The following LRRC20 variants were observed in gnomAD, a reference collection of about 807,000 sequenced individuals.
LRRC20 encodes leucine rich repeat containing 20, also known as leucine-rich repeat-containing protein 20.
A neutral mutation model predicts 14.4 loss-of-function variants in LRRC20; 11 were observed. The observed-to-expected ratio is 0.77, with a 90% CI of 0.48 to 1.27. The LOEUF (loss-of-function observed/expected upper bound fraction) is 1.27, where lower values mean the gene tolerates loss of function less well. Ranked by LOEUF, LRRC20 falls within the 50% of genes most tolerant of loss-of-function variation. LRRC20 has a pLI of 0.00. For synonymous variants in LRRC20, 121 were observed against 107.3 expected (o/e 1.13, Z -0.79); for missense variants, 219 against 251.2 (o/e 0.87, Z 0.87).
chr10:70,360,807 C>T (rs891899804), intron 2 of LRRC20, among the ~76,000 whole-genome samples: 7 of 152,132 alleles, frequency 4.6e-5, no homozygotes, highest in East Asian at 1.9e-4. Context: ...AAGTTGTCAA[C>T]GTGTTTGTCT....
intron 4 of LRRC20, among the ~76,000 whole-genome samples, chr10:70,311,724 T>C (rs748728816): frequency 1.6e-4 from 25 of 152,232 alleles, no homozygotes; most frequent in Middle Eastern, 6.8e-3. Flanking sequence ...ATGTCTTAGG[T>C]GAGGACTAAA....
At chr10:70,357,654 C>CA (rs201382559) in intron 2 of LRRC20, among the ~76,000 whole-genome samples, 6 of 150,872 alleles carry the variant, frequency 4.0e-5, no homozygotes, top group East Asian at 3.9e-4. Context: ...TGGGACTTTC[C>CA]AAAAAAAACC....
At chr10:70,348,996 T>TG (rs1843181494) in intron 2 of LRRC20, among the ~76,000 whole-genome samples, 1 of 152,116 alleles carries the variant, frequency 6.6e-6, no homozygotes, top group Non-Finnish European at 1.5e-5. Flanking sequence ...AAGATGTGAC[T>TG]GGGGGCCAGG....
At position 70,376,559 on chromosome 10, in the gene LRRC20, C is replaced by A. The variant is rs1479787923; in HGVS notation, c.-26G>T. ...GCAGACACAGGTGTCCTGCCGCCAG[C>A]CCCCAGGCTGGTCTGCTTCTCACAA... On this transcript the variant is annotated 5_prime_UTR_variant, in exon 2 of 5. Coordinates refer to ENST00000446961, the MANE Select transcript of LRRC20 (RefSeq NM_001278212.2). 1 of 1,608,172 alleles carries A rather than the reference C, an allele frequency of 6.2e-7. No individual in the cohort carries two copies. Among genetic ancestry groups the A allele is most frequent in the Non-Finnish European group, 8.5e-7 (1 of 1,177,154 alleles).
At chr10:70,354,159 T>C (rs1459334216) in intron 2 of LRRC20, among the ~76,000 whole-genome samples, 1 of 152,126 alleles carries the variant, frequency 6.6e-6, no homozygotes, top group Admixed American at 6.5e-5. Context: ...AGACTCTTGA[T>C]GCCTAAGTCT....
chr10:70,381,768 G>A (rs1323793174), intron 1 of LRRC20: 2 of 152,266 alleles, frequency 1.3e-5, no homozygotes, highest in Non-Finnish European at 2.9e-5. Flanking sequence ...AGATCAGAAC[G>A]AAGTTGACCC....
chr10:70,301,370 C>G lies in LRRC20; in HGVS notation c.539G>C (p.Arg180Thr). Residue 180 changes from arginine (R) to threonine (T), a missense_variant, in exon 5 of 5, where the codon AGA (arginine) becomes ACA (threonine). Coordinates refer to ENST00000446961, the MANE Select transcript of LRRC20 (RefSeq NM_001278212.2). Reference protein sequence around the residue: ...FDMLMSPEGARAPLP With the variant: ...FDMLMSPEGATAPLP ...GAGGGTGGCCTAAGGTAGGGGGGCT[C>G]TTGCGCCTTCCGGAGACATGAGCAT... 6.2e-7 allele frequency: 1 copy of G among 1,613,226 alleles called. No individual in the cohort carries two copies. The highest frequency in any genetic ancestry group is 8.5e-7 in the Non-Finnish European group (1 of 1,179,906).
chr10:70,348,156 C>T (rs1469172513), intron 2 of LRRC20, among the ~76,000 whole-genome samples: 1 of 152,170 alleles, frequency 6.6e-6, no homozygotes, highest in African/African-American at 2.4e-5. Context: ...CAAGCTCCTA[C>T]CCAGAACAGC....
chr10:70,369,807 CA>C (rs1341749565), intron 2 of LRRC20, among the ~76,000 whole-genome samples: 1 of 151,936 alleles, frequency 6.6e-6, no homozygotes, highest in Non-Finnish European at 1.5e-5. Context: ...TCCAAAAGAT[CA>C]AAAATAGAGA....
At chr10:70,365,967 G>C (rs375259252) in intron 2 of LRRC20, among the ~76,000 whole-genome samples, 12 of 151,858 alleles carry the variant, frequency 7.9e-5, no homozygotes, top group Admixed American at 3.3e-4. Context: ...TACTCAGGAG[G>C]CTGAGGCAGG....
At chr10:70,360,376 TCCTCCTCCCCATCTC>T (rs1456209829) in intron 2 of LRRC20, among the ~76,000 whole-genome samples, 2 of 151,360 alleles carry the variant, frequency 1.3e-5, no homozygotes, top group African/African-American at 4.9e-5. Flanking sequence ...CTCCTCCTCC[TCCTCCTCCCCATCTC>T]CCTCCTCCTC....
chr10:70,323,733 T>TC, intron 4 of LRRC20, 130 bp downstream of exon 4: 2 of 1,029,910 alleles, frequency 1.9e-6, no homozygotes, highest in South Asian at 3.1e-5. Context: ...AGGCCCCATG[T>TC]CCTTTGCTCA....
intron 2 of LRRC20, among the ~76,000 whole-genome samples, chr10:70,347,722 G>C (rs758313719): frequency 4.0e-5 from 6 of 151,824 alleles, no homozygotes; most frequent in Non-Finnish European, 7.4e-5. Context: ...GGGGGGCTGA[G>C]GTGGGAGAAT....
At chr10:70,371,725 G>C (rs142527895) in intron 2 of LRRC20, among the ~76,000 whole-genome samples, 2,476 of 152,254 alleles carry the variant, frequency 0.016, 33 homozygotes, top group Non-Finnish European at 0.026. Flanking sequence ...GAAACATCGA[G>C]AAGATGATGC....
At position 70,326,367 on chromosome 10, in the gene LRRC20, C is replaced by T. The variant is rs866923690; in HGVS notation, c.233-2337G>A. Among the ~76,000 whole-genome samples, 5 of 151,938 alleles carry T rather than the reference C, an allele frequency of 3.3e-5. No homozygotes were observed. In the South Asian group the frequency reaches 8.3e-4, roughly 25 times the overall value. ...CTGGGTACCAGCCCCACTGCAAATG[C>T]CCTGCTCCAGCACACTGGGGTTCTT... is the stretch of plus-strand genomic sequence containing the variant. On this transcript the variant is annotated intron_variant, in intron 3 of 4. Transcript: ENST00000446961.
chr10:70,326,090 A>G (rs1842309210), intron 3 of LRRC20, among the ~76,000 whole-genome samples: 1 of 152,086 alleles, frequency 6.6e-6, no homozygotes, highest in Non-Finnish European at 1.5e-5. Flanking sequence ...AAATCTTCCT[A>G]TGTAACTTTT....
chr10:70,359,798 A>G (rs555744951), intron 2 of LRRC20, among the ~76,000 whole-genome samples: 61 of 152,272 alleles, frequency 4.0e-4, no homozygotes, highest in African/African-American at 1.3e-3. Flanking sequence ...TCTCGTCAAC[A>G]CTGTATTTCA....
At chr10:70,305,172 G>A (rs748154580) in intron 4 of LRRC20, among the ~76,000 whole-genome samples, 2 of 152,116 alleles carry the variant, frequency 1.3e-5, no homozygotes, top group Non-Finnish European at 2.9e-5. Context: ...CAACAAGAGC[G>A]AAACTCTATC....
chr10:70,351,192 A>T (rs1409541843), intron 2 of LRRC20, among the ~76,000 whole-genome samples: 1 of 150,692 alleles, frequency 6.6e-6, no homozygotes, highest in Non-Finnish European at 1.5e-5. Context: ...GAAAGAAAAA[A>T]AAAAAAGAGA....
Sources: allele counts gnomAD v4.1 joint callset (sites outside exome capture counted in the v4.1 genomes callset), GRCh38; gene constraint gnomAD v4.1.1; transcripts MANE v1.5; gene names NCBI Gene and HGNC (gene_info 2026-07-23, HGNC 2026-07-21).